RGS6: variants seen among roughly 807,000 people sequenced by gnomAD.
The protein encoded by RGS6 is regulator of G-protein signaling 6.
RGS6 carries 30 observed loss-of-function variants against 78.5 expected under a neutral mutation model. The observed-to-expected ratio is 0.38, with a 90% CI of 0.29 to 0.52. The LOEUF (loss-of-function observed/expected upper bound fraction) is 0.52, where lower values mean the gene tolerates loss of function less well. Ranked by LOEUF, RGS6 falls within the 20% of genes least tolerant of loss-of-function variation. The pLI is 0.85. For synonymous variants in RGS6, 206 were observed against 206.0 expected (o/e 1.00, Z 0.00); for missense variants, 495 against 609.7 (o/e 0.81, Z 1.98).
chr14:72,222,391 G>C (rs1247853832), intron 2 of RGS6, among the ~76,000 whole-genome samples: 1 of 152,182 alleles, frequency 6.6e-6, no homozygotes, highest in Non-Finnish European at 1.5e-5. Flanking sequence ...GATGTCATGA[G>C]TGTTATTTTT....
intron 3 of RGS6, among the ~76,000 whole-genome samples, chr14:72,417,296 C>T (rs1275295176): frequency 2.0e-5 from 3 of 152,030 alleles, no homozygotes; most frequent in Admixed American, 6.6e-5. Flanking sequence ...GAGATGACTG[C>T]CCCCCCACCA....
intron 13 of RGS6, among the ~76,000 whole-genome samples, chr14:72,497,984 A>G (rs188674802): frequency 3.0e-4 from 45 of 152,110 alleles, no homozygotes; most frequent in African/African-American, 9.2e-4. Context: ...TTTTTATTCT[A>G]TATTCAAAGG....
Position 72,203,905 on chromosome 14 carries a change from A to C in RGS6, c.85-148190A>C, listed in dbSNP as rs1056419223. Among the ~76,000 whole-genome samples, 3 of 147,236 alleles carry C rather than the reference A, an allele frequency of 2.0e-5. No individual in the cohort carries two copies. The East Asian group carries it at 6.0e-4, about 30-fold the overall frequency. ...AGTGATACTTCCTTGGCTCACTGCA[A>C]CCTCCACCTCTCGAGTTCAAGAGAT... On this transcript the variant is annotated intron_variant, in intron 2 of 17. Transcript: ENST00000553525.
At chr14:72,260,412 A>T (rs1318218186) in intron 2 of RGS6, among the ~76,000 whole-genome samples, 3 of 152,252 alleles carry the variant, frequency 2.0e-5, no homozygotes, top group African/African-American at 7.2e-5. Context: ...ACATGCTGCT[A>T]GACATGGATA....
rs17109565 is a variant in RGS6 at position 72,233,911 on chromosome 14, C to T, written c.85-118184C>T. Among the ~76,000 whole-genome samples, 1,500 of 152,066 alleles carry T rather than the reference C, an allele frequency of 9.9e-3. 30 individuals are homozygous for T. Among genetic ancestry groups the T allele is most frequent in the African/African-American group, 0.034 (1,417 of 41,442 alleles). On this transcript the variant is annotated intron_variant, in intron 2 of 17. Transcript: ENST00000553525. Reference sequence around the variant, plus strand: ...TGTTTGTGGTGATGGGGTGAAGGACCGAATAGTTAGAGTTCGTACTGAGTG... The same window carrying T: ...TGTTTGTGGTGATGGGGTGAAGGACTGAATAGTTAGAGTTCGTACTGAGTG...
chr14:72,509,367 GA>G (rs574286198), intron 13 of RGS6, among the ~76,000 whole-genome samples: 3,671 of 113,330 alleles, frequency 0.032, 112 homozygotes, highest in African/African-American at 0.089. Flanking sequence ...TCCATCTCAA[GA>G]AAAAAAAAAA....
intron 2 of RGS6, among the ~76,000 whole-genome samples, chr14:72,183,319 T>A (rs1209521674): frequency 6.6e-6 from 1 of 152,188 alleles, no homozygotes; most frequent in Non-Finnish European, 1.5e-5. Context: ...GTCTCTTCTG[T>A]CTTTTACATT....
chr14:72,254,152 A>T (rs754209909), intron 2 of RGS6, among the ~76,000 whole-genome samples: 30 of 152,402 alleles, frequency 2.0e-4, no homozygotes, highest in South Asian at 1.0e-3. Flanking sequence ...TTTCAAAGGT[A>T]TGAAATCACC....
At chr14:72,266,226 G>A (rs892184944) in intron 2 of RGS6, among the ~76,000 whole-genome samples, 1 of 152,188 alleles carries the variant, frequency 6.6e-6, no homozygotes, top group Non-Finnish European at 1.5e-5. Flanking sequence ...TGGTGGGATG[G>A]CTGGAAGGCA....
the RGS6 span, among the ~76,000 whole-genome samples, chr14:72,600,034 T>G: frequency 1.3e-5 from 2 of 152,138 alleles, no homozygotes; most frequent in Non-Finnish European, 2.9e-5. Context: ...GGCCTCCCTC[T>G]CTGCCTGTGG....
intron 2 of RGS6, among the ~76,000 whole-genome samples, chr14:72,161,147 A>C (rs902461078): frequency 1.3e-5 from 2 of 152,226 alleles, no homozygotes; most frequent in Non-Finnish European, 1.5e-5. Flanking sequence ...GAGAACAGAA[A>C]ACCAAACACC....
chr14:72,187,843 A>G (rs768496389), intron 2 of RGS6, among the ~76,000 whole-genome samples: 3 of 151,736 alleles, frequency 2.0e-5, no homozygotes, highest in African/African-American at 4.8e-5. Context: ...GGCAAAATCA[A>G]TGCTCACTGT....
chr14:72,149,112 C>T (rs1211505501), intron 2 of RGS6, among the ~76,000 whole-genome samples: 1 of 152,182 alleles, frequency 6.6e-6, no homozygotes, highest in Non-Finnish European at 1.5e-5. Flanking sequence ...GTTGGCCGAA[C>T]TTGAGCAGGG....
intron 2 of RGS6, among the ~76,000 whole-genome samples, chr14:71,981,033 C>G (rs1429003958): frequency 2.7e-5 from 4 of 147,386 alleles, no homozygotes; most frequent in Non-Finnish European, 3.0e-5. Context: ...TGCTGATACC[C>G]TTTCTTCCAG....
chr14:72,310,094 T>C (rs557837300), intron 2 of RGS6, among the ~76,000 whole-genome samples: 1 of 152,298 alleles, frequency 6.6e-6, no homozygotes, highest in East Asian at 1.9e-4. Flanking sequence ...TGTTGGTCAT[T>C]CATTATTGAT....
intron 2 of RGS6, among the ~76,000 whole-genome samples, chr14:72,008,047 G>C (rs1468395986): frequency 6.6e-6 from 1 of 152,186 alleles, no homozygotes; most frequent in African/African-American, 2.4e-5. Flanking sequence ...AGATTTCAAA[G>C]GGTGAGACTA....
At chr14:71,989,659 T>A (rs999088482) in intron 2 of RGS6, among the ~76,000 whole-genome samples, 5 of 152,292 alleles carry the variant, frequency 3.3e-5, no homozygotes, top group Non-Finnish European at 5.9e-5. Context: ...GTACACTACT[T>A]CCCATGGGCC....
At chr14:72,232,888 C>A (rs950289156) in intron 2 of RGS6, among the ~76,000 whole-genome samples, 5 of 152,136 alleles carry the variant, frequency 3.3e-5, no homozygotes, top group East Asian at 1.9e-4. Context: ...GCCTGGCAAG[C>A]CTGAGGCTGG....
chr14:72,556,022 A>AGAT (rs576876586), intron 17 of RGS6, among the ~76,000 whole-genome samples: 42 of 152,348 alleles, frequency 2.8e-4, no homozygotes, highest in African/African-American at 9.6e-4. Flanking sequence ...GGCCCATGGG[A>AGAT]GATCAGGGGA....
Sources: allele counts gnomAD v4.1 joint callset (sites outside exome capture counted in the v4.1 genomes callset), GRCh38; gene constraint gnomAD v4.1.1; transcripts MANE v1.5; gene names NCBI Gene and HGNC (gene_info 2026-07-23, HGNC 2026-07-21).